The following HEATR5A variants were observed in gnomAD, a reference collection of about 807,000 sequenced individuals.
HEATR5A encodes HEAT repeat-containing protein 5A.
In HEATR5A, 178 loss-of-function variants were observed where a neutral mutation model predicts 218.8. The ratio of observed to expected loss-of-function variants is 0.81; its 90% CI spans 0.72 to 0.92. The LOEUF is 0.92. HEATR5A is among the 40% of genes least tolerant of loss of function. The pLI, the probability that HEATR5A is intolerant of heterozygous loss-of-function variation, is 0.00. For synonymous variants in HEATR5A, 864 were observed against 871.6 expected (o/e 0.99, Z 0.15); for missense variants, 2,420 against 2,418.9 (o/e 1.00, Z -0.01).
rs4537923 is a variant in HEATR5A, at chr14:31,330,504, C to T, written c.3368-4162G>A. Among the ~76,000 whole-genome samples the T allele has an allele frequency of 2.9e-3, 445 of 152,090 alleles. 13 individuals are homozygous for T. The East Asian group carries it at 0.064, about 22-fold the overall frequency. ...TTGTCTTGGCAAAAAGATTAACATT[C>T]GAGGCCAGCGCCGGTAGCTCACACC... is the stretch of plus-strand genomic sequence containing the variant. On this transcript the variant is annotated intron_variant, in intron 22 of 35. Coordinates refer to ENST00000543095, the MANE Select transcript of HEATR5A (RefSeq NM_015473.4).
chr14:31,362,044 A>T (rs1347815734), intron 14 of HEATR5A, among the ~76,000 whole-genome samples: 3 of 152,066 alleles, frequency 2.0e-5, no homozygotes, highest in Non-Finnish European at 4.4e-5. Context: ...GGCTCACTGC[A>T]ACCTTTGCCT....
At chr14:31,340,415 CA>C (rs746363266) in intron 21 of HEATR5A, 6 of 1,273,436 alleles carry the variant, frequency 4.7e-6, no homozygotes, top group South Asian at 1.3e-5. Flanking sequence ...CCGCAAAACT[CA>C]AAAAAAGTTA....
intron 22 of HEATR5A, among the ~76,000 whole-genome samples, chr14:31,330,110 C>T (rs889112808): frequency 5.9e-5 from 9 of 152,242 alleles, no homozygotes; most frequent in African/African-American, 1.9e-4. Context: ...ACTGCCCTAG[C>T]AGAGGTTCTC....
At chr14:31,335,356 T>A (rs1900617713) in intron 22 of HEATR5A, among the ~76,000 whole-genome samples, 1 of 152,090 alleles carries the variant, frequency 6.6e-6, no homozygotes, top group Admixed American at 6.6e-5. Context: ...GTTTTTATTT[T>A]TTTTTTTTGT....
chr14:31,314,500 G>A (rs970664340), intron 27 of HEATR5A, among the ~76,000 whole-genome samples: 6 of 151,960 alleles, frequency 3.9e-5, no homozygotes, highest in African/African-American at 2.4e-5. Flanking sequence ...CAGATGATCC[G>A]CCCACCTTGG....
chr14:31,398,608 T>C, intron 4 of HEATR5A, 65 bp downstream of exon 4: 1 of 819,574 alleles, frequency 1.2e-6, no homozygotes, highest in South Asian at 1.6e-5. Flanking sequence ...TTTGATTTGC[T>C]CAGGAAAGCA....
At chr14:31,347,934 G>A (rs1204695903) in intron 18 of HEATR5A, 27 bp from the exon 19 acceptor site, 6 of 1,357,010 alleles carry the variant, frequency 4.4e-6, no homozygotes, top group Non-Finnish European at 5.8e-6. Flanking sequence ...AAAAATAAAC[G>A]GTAATCACTG....
rs746362247 is a variant in HEATR5A, at chr14:31,307,945, A to T, written c.4766T>A (p.Leu1589Ter). Reference protein sequence around the residue: ...MESITACLHALQALLDVPWPR... With the variant: ...MESITACLHA ...CCAAGGTACATCTAGAAGTGCTTGC[A>T]ATGCATGTAAACAAGCAGTTATGCT... Residue 1589 changes from leucine (L) to a stop codon, truncating the protein, a stop_gained, in exon 30 of 36, where the codon TTG becomes TAG. Coordinates refer to ENST00000543095, the MANE Select transcript of HEATR5A (RefSeq NM_015473.4). LOFTEE classifies it high-confidence loss of function. The T allele has an allele frequency of 3.0e-5, 48 of 1,613,734 alleles. No individual in the cohort carries two copies. The highest frequency in any genetic ancestry group is 3.8e-5 in the Non-Finnish European group (45 of 1,179,768).
intron 18 of HEATR5A, among the ~76,000 whole-genome samples, chr14:31,349,339 G>A (rs752409689): frequency 4.6e-5 from 7 of 151,932 alleles, no homozygotes; most frequent in East Asian, 1.9e-4. Context: ...AGCCGAGATC[G>A]CGCCACTGCA....
In HEATR5A at chr14:31,321,683, A is replaced by T. The variant is rs1057064157; in HGVS notation, c.3788-3T>A. The T allele has an allele frequency of 2.6e-6, 4 of 1,565,368 alleles. No homozygotes were observed. The Admixed American group carries it at 5.9e-5, about 23-fold the overall frequency. On this transcript the variant is annotated splice_region_variant and splice_polypyrimidine_tract_variant and intron_variant, in intron 24 of 35. Coordinates refer to ENST00000543095, the MANE Select transcript of HEATR5A (RefSeq NM_015473.4). Reference sequence around the variant, plus strand: ...AAGATGCAGTACCAAAAAGTCATCTATAAGATTAAAAAACATATTGGGAGA... The same window carrying T: ...AAGATGCAGTACCAAAAAGTCATCTTTAAGATTAAAAAACATATTGGGAGA...
intron 1 of HEATR5A, among the ~76,000 whole-genome samples, chr14:31,418,784 C>T (rs918289583): frequency 1.3e-5 from 2 of 152,164 alleles, no homozygotes; most frequent in African/African-American, 2.4e-5. Context: ...TCATTAAACG[C>T]TTAATTCAGA....
intron 23 of HEATR5A, among the ~76,000 whole-genome samples, chr14:31,324,683 CTTTTT>C (rs57220635): frequency 4.0e-5 from 5 of 125,990 alleles, no homozygotes; most frequent in Admixed American, 8.0e-5. Flanking sequence ...CATGTATTTT[CTTTTT>C]TTTTTTTTTT....
chr14:31,335,741 C>G (rs1013304344), intron 22 of HEATR5A, among the ~76,000 whole-genome samples: 2 of 152,078 alleles, frequency 1.3e-5, no homozygotes, highest in African/African-American at 2.4e-5. Flanking sequence ...ACAACCTCCC[C>G]CTCCTGGGTT....
At chr14:31,399,346 CAA>C (rs2030783368) in intron 3 of HEATR5A, among the ~76,000 whole-genome samples, 1 of 152,098 alleles carries the variant, frequency 6.6e-6, no homozygotes, top group Admixed American at 6.6e-5. Context: ...TACACACCCT[CAA>C]GTTTGTTACA....
intron 4 of HEATR5A, among the ~76,000 whole-genome samples, chr14:31,396,601 T>G (rs74355983): frequency 6.6e-6 from 1 of 152,172 alleles, no homozygotes; most frequent in Non-Finnish European, 1.5e-5. Context: ...TTCATAGTAA[T>G]ATTGTTAATT....
intron 3 of HEATR5A, 43 bp downstream of exon 3, chr14:31,400,258 A>G: frequency 7.8e-7 from 1 of 1,287,576 alleles, no homozygotes; most frequent in Non-Finnish European, 1.1e-6. Context: ...ATACAACAGG[A>G]AGCAATATTT....
chr14:31,401,060 C>T (rs1028094135), intron 2 of HEATR5A, among the ~76,000 whole-genome samples: 4 of 151,954 alleles, frequency 2.6e-5, no homozygotes, highest in East Asian at 1.9e-4. Context: ...AGGATGGTCT[C>T]GATCTCCTGA....
At chr14:31,308,085 TAATC>T (rs1176509514) in intron 29 of HEATR5A, 65 bp from the exon 30 acceptor site, 6 of 1,410,650 alleles carry the variant, frequency 4.3e-6, no homozygotes, top group Non-Finnish European at 5.7e-6. Flanking sequence ...ATTAAGTAAT[TAATC>T]TTATATTTTG....
chr14:31,364,929 T>A (rs1901748409), intron 13 of HEATR5A, among the ~76,000 whole-genome samples: 1 of 152,166 alleles, frequency 6.6e-6, no homozygotes, highest in South Asian at 2.1e-4. Flanking sequence ...GTTGGAGTGG[T>A]AGTGGTATGA....
Sources: gnomAD v4.1 joint callset for allele counts (sites outside exome capture counted in the v4.1 genomes callset) on GRCh38, gnomAD v4.1.1 for gene constraint, MANE v1.5 for transcripts, NCBI Gene and HGNC (gene_info 2026-07-23, HGNC 2026-07-21) for gene names.